The following TTLL7 variants were observed in gnomAD, a reference collection of about 807,000 sequenced individuals.
The protein encoded by TTLL7 is tubulin tyrosine ligase like 7, also known as tubulin polyglutamylase TTLL7.
Under a neutral mutation model 120.2 loss-of-function variants are expected in TTLL7, and 53 were observed. That is an observed-to-expected ratio of 0.44 (90% confidence interval 0.35 to 0.55). The LOEUF is 0.55. TTLL7 is among the 20% of genes least tolerant of loss of function. The pLI, the probability that TTLL7 is intolerant of heterozygous loss-of-function variation, is 0.00. For synonymous variants in TTLL7, 353 were observed against 351.7 expected, an observed-to-expected ratio of 1.00 and a Z score of -0.04; for missense variants, 803 against 1,054.7, an observed-to-expected ratio of 0.76 and a Z score of 3.31.
chr1:83,975,319 C>G (rs1651366347), intron 1 of TTLL7, among the ~76,000 whole-genome samples: 1 of 152,082 alleles, frequency 6.6e-6, no homozygotes, highest in Admixed American at 6.6e-5. Context: ...TAAAGCTCCT[C>G]AAGTGATTTA....
intron 15 of TTLL7, among the ~76,000 whole-genome samples, chr1:83,910,945 G>C (rs1017802864): frequency 6.6e-6 from 1 of 152,006 alleles, no homozygotes; most frequent in Admixed American, 6.6e-5. Flanking sequence ...ATGAAATATA[G>C]AATAGATCCT....
At chr1:83,915,606 C>A (rs956664295) in intron 14 of TTLL7, among the ~76,000 whole-genome samples, 16 of 152,074 alleles carry the variant, frequency 1.1e-4, no homozygotes, top group Admixed American at 6.5e-4. Context: ...TCTAAAACAC[C>A]AAAAGCAATG....
rs1019392121 is a variant in TTLL7 at position 83,948,948 on chromosome 1, T to C, written c.280-253A>G. 3.4e-5 allele frequency: 10 copies of C among 290,744 alleles called. No homozygotes were observed. In the East Asian group the frequency reaches 6.2e-4, roughly 18 times the overall value. 18.0% of individuals were successfully genotyped at this position (290,744 alleles called of 1,614,324 possible). A position where few individuals can be genotyped will look rare whatever the true frequency, so the allele number is the denominator to read the frequency against. On this transcript the variant is annotated intron_variant, in intron 4 of 20. Coordinates refer to ENST00000260505, the MANE Select transcript of TTLL7 (RefSeq NM_024686.6). Reference sequence around the variant, plus strand: ...CATAGATAGTAAAGTTATAATTTTCTAGGTTGAATAGTGATAATTCAATAT... The same window carrying C: ...CATAGATAGTAAAGTTATAATTTTCCAGGTTGAATAGTGATAATTCAATAT...
In TTLL7 at chr1:83,869,764, C is replaced by T. The variant is rs1653171666; in HGVS notation, c.*198G>A. The T allele has an allele frequency of 2.8e-6, 1 of 360,598 alleles. No individual in the cohort carries two copies. Among genetic ancestry groups the T allele is most frequent in the African/African-American group, 2.1e-5 (1 of 46,878 alleles). 22.3% of individuals were successfully genotyped at this position (360,598 alleles called of 1,614,324 possible). A position where few individuals can be genotyped will look rare whatever the true frequency, so the allele number is the denominator to read the frequency against. On this transcript the variant is annotated 3_prime_UTR_variant, in exon 21 of 21. Coordinates refer to ENST00000260505, the MANE Select transcript of TTLL7 (RefSeq NM_024686.6). ...AAGGTTAAGTCTTATATTCCATTTTCTGCTAATTCTTCTTTCATATATCAT... is the reference window on the plus strand; with the variant it reads ...AAGGTTAAGTCTTATATTCCATTTTTTGCTAATTCTTCTTTCATATATCAT...
intron 19 of TTLL7, among the ~76,000 whole-genome samples, chr1:83,889,415 A>C (rs967858707): frequency 6.6e-6 from 1 of 152,054 alleles, no homozygotes; most frequent in African/African-American, 2.4e-5. Flanking sequence ...TGTATATATC[A>C]TACTTTATCT....
chr1:83,878,069 T>C (rs1206801145), intron 20 of TTLL7, among the ~76,000 whole-genome samples: 1 of 151,918 alleles, frequency 6.6e-6, no homozygotes, highest in Non-Finnish European at 1.5e-5. Flanking sequence ...TAATCTCTTA[T>C]TTGATTCGTG....
intron 19 of TTLL7, among the ~76,000 whole-genome samples, chr1:83,886,640 G>T (rs1020452463): frequency 1.3e-5 from 2 of 152,000 alleles, no homozygotes; most frequent in South Asian, 4.2e-4. Context: ...AACCCCAACA[G>T]GAAAATACTT....
intron 16 of TTLL7, among the ~76,000 whole-genome samples, chr1:83,907,149 T>C (rs1028458897): frequency 6.6e-4 from 101 of 152,104 alleles, no homozygotes; most frequent in Non-Finnish European, 2.4e-4. Context: ...GACTGCATAA[T>C]ACACTGCAAA....
At chr1:83,941,696 TTAAC>T (rs1264105905) in intron 7 of TTLL7, among the ~76,000 whole-genome samples, 1 of 152,218 alleles carries the variant, frequency 6.6e-6, no homozygotes, top group Non-Finnish European at 1.5e-5. Flanking sequence ...GGTTTAGAGG[TTAAC>T]TAAAGTTTAA....
Position 83,930,049 on chromosome 1 carries a change from A to T in TTLL7, c.1048-819T>A, listed in dbSNP as rs181839870. ...CATTATAATCAAGAAATTACCCAGG[A>T]ATACAACATCTTTAATTAGAAATGT... is the stretch of plus-strand genomic sequence containing the variant. On this transcript the variant is annotated intron_variant, in intron 9 of 20. Transcript: ENST00000260505. Among the ~76,000 whole-genome samples, 7 of 152,312 alleles carry T rather than the reference A, an allele frequency of 4.6e-5. No homozygotes were observed. The South Asian group carries it at 6.2e-4, about 14-fold the overall frequency.
At chr1:83,953,059 A>AC (rs1390905901) in intron 1 of TTLL7, among the ~76,000 whole-genome samples, 1 of 152,188 alleles carries the variant, frequency 6.6e-6, no homozygotes, top group Non-Finnish European at 1.5e-5. Flanking sequence ...TGCCTTAAAA[A>AC]ATGAGAACAG....
Position 83,883,079 on chromosome 1 carries a change from G to A in TTLL7, c.2427C>T (p.Leu809=), listed in dbSNP as rs767542792. Reference sequence around the variant, plus strand: ...GCTCCACTAGGCGCTGGCAACACTGGAGCTGCAAAGGAGTCACCACCTCCG... The same window carrying A: ...GCTCCACTAGGCGCTGGCAACACTGAAGCTGCAAAGGAGTCACCACCTCCG... ...KSPEVVTPLQ[L]QCCQRLVELC... The change falls in exon 20 of 21, where the codon CTC becomes CTT. Residue 809 remains leucine (L), a synonymous_variant. Coordinates refer to ENST00000260505, the MANE Select transcript of TTLL7 (RefSeq NM_024686.6). 2.5e-5 allele frequency: 41 copies of A among 1,612,076 alleles called. No homozygotes were observed. Among genetic ancestry groups the A allele is most frequent in the Non-Finnish European group, 3.4e-5 (40 of 1,179,028 alleles).
chr1:83,989,604 C>G (rs529372616), intron 1 of TTLL7, among the ~76,000 whole-genome samples: 4 of 152,168 alleles, frequency 2.6e-5, no homozygotes, highest in Admixed American at 6.5e-5. Flanking sequence ...ATGCCTCCAG[C>G]TTTGTTCTTT....
intron 1 of TTLL7, among the ~76,000 whole-genome samples, chr1:83,974,195 G>A (rs1651250109): frequency 6.6e-6 from 1 of 151,804 alleles, no homozygotes; most frequent in South Asian, 2.1e-4. Context: ...CCATTTCATG[G>A]GCACGGGAAA....
chr1:83,907,379 G>A, intron 16 of TTLL7, 77 bp downstream of exon 16: 1 of 1,305,994 alleles, frequency 7.7e-7, no homozygotes, highest in Non-Finnish European at 1.1e-6. Context: ...GGTTCAGTCT[G>A]TCCTCCTCTC....
chr1:83,926,730 G>A (rs557567228), intron 10 of TTLL7, among the ~76,000 whole-genome samples: 5 of 152,232 alleles, frequency 3.3e-5, no homozygotes, highest in Admixed American at 2.6e-4. Flanking sequence ...GTAAATAAGG[G>A]ACAGACAGGC....
chr1:83,981,894 T>C (rs1423726672), intron 1 of TTLL7, among the ~76,000 whole-genome samples: 1 of 150,638 alleles, frequency 6.6e-6, no homozygotes, highest in East Asian at 1.9e-4. Flanking sequence ...CAGCAATTAA[T>C]AGATTACTAA....
At chr1:83,933,059 G>C (rs1158152867) in intron 9 of TTLL7, among the ~76,000 whole-genome samples, 1 of 152,080 alleles carries the variant, frequency 6.6e-6, no homozygotes, top group Non-Finnish European at 1.5e-5. Context: ...ACCCTACCAG[G>C]GACTGGCAGC....
chr1:83,912,422 A>G (rs1284145259), intron 14 of TTLL7: 1 of 152,204 alleles, frequency 6.6e-6, no homozygotes, highest in Non-Finnish European at 1.5e-5. Context: ...AGTCATTCTA[A>G]GAGACTATTT....
Sources: allele counts gnomAD v4.1 joint callset (sites outside exome capture counted in the v4.1 genomes callset), GRCh38; gene constraint gnomAD v4.1.1; transcripts MANE v1.5; gene names NCBI Gene and HGNC (gene_info 2026-07-23, HGNC 2026-07-21).